The following CCNC variants were observed in gnomAD, a reference collection of about 807,000 sequenced individuals.
CCNC encodes the protein cyclin-C.
Under a neutral mutation model 50.0 loss-of-function variants are expected in CCNC, and 19 were observed. The ratio of observed to expected loss-of-function variants is 0.38; its 90% confidence interval spans 0.27 to 0.56. The LOEUF is 0.56. Among genes scored for constraint, CCNC ranks in the 20% least tolerant of loss-of-function variants. CCNC has a pLI of 0.72. For missense variants in CCNC, 200 were observed against 327.1 expected (o/e 0.61, Z 3.00); for synonymous variants, 93 against 103.7 (o/e 0.90, Z 0.63).
intron 1 of CCNC, among the ~76,000 whole-genome samples, chr6:99,567,428 T>TAC (rs3838480): frequency 0.63 from 94,909 of 151,308 alleles, 30,010 homozygotes; most frequent in East Asian, 0.9. Context: ...CACATATATA[T>TAC]ACACACACAC....
At chr6:99,565,811 C>T (rs1490087612) in intron 1 of CCNC, among the ~76,000 whole-genome samples, 1 of 151,934 alleles carries the variant, frequency 6.6e-6, no homozygotes, top group Non-Finnish European at 1.5e-5. Context: ...ATGTTTTATA[C>T]TTTCAATGTA....
Position 99,543,538 on chromosome 6 carries a change from GAATTCTTCGGAATGTTTTAA to G in CCNC, c.849_*16del. 1 of 1,612,770 alleles carries G rather than the reference GAATTCTTCGGAATGTTTTAA, an allele frequency of 6.2e-7. No individual in the cohort carries two copies. Among genetic ancestry groups the G allele is most frequent in the Non-Finnish European group, 8.5e-7 (1 of 1,179,136 alleles). On this transcript the variant is annotated stop_lost and 3_prime_UTR_variant, in exon 12 of 12. Coordinates refer to ENST00000520429, the MANE Select transcript of CCNC (RefSeq NM_005190.4). ...GTTTATTTCCAAGTGGTCCACTATGGAATTCTTCGGAATGTTTTAAGATTGGCTGTAGCTAGAGTTCTGAC... is the reference window on the plus strand; with the variant it reads ...GTTTATTTCCAAGTGGTCCACTATGGGATTGGCTGTAGCTAGAGTTCTGAC...
chr6:99,543,355 A>T lies in CCNC; in HGVS notation c.*200T>A. On this transcript the variant is annotated 3_prime_UTR_variant, in exon 12 of 12. Coordinates refer to ENST00000520429, the MANE Select transcript of CCNC (RefSeq NM_005190.4). ...AGGTCCCCTTAGAACCTTTCCAAAC[A>T]TTTATAATCAAGAGATTTTAATCAA... 1.8e-6 allele frequency: 1 copy of T among 557,172 alleles called. No homozygotes were observed. The highest frequency in any genetic ancestry group is 2.6e-5 in the South Asian group (1 of 37,830). The allele number at this position is 557,172 out of a possible 1,614,324, so 34.5% of individuals were successfully genotyped here. A position where few individuals can be genotyped will look rare whatever the true frequency, so the allele number is the denominator to read the frequency against.
rs1332861724 is a variant in CCNC at position 99,542,778 on chromosome 6, C to T, written c.*777G>A. 6.6e-6 allele frequency: 1 copy of T among 152,400 alleles called. No homozygotes were observed. Among genetic ancestry groups the T allele is most frequent in the Non-Finnish European group, 1.5e-5 (1 of 67,948 alleles). The allele number at this position is 152,400 out of a possible 1,614,324, so 9.4% of individuals were successfully genotyped here. A position where few individuals can be genotyped will look rare whatever the true frequency, so the allele number is the denominator to read the frequency against. The stretch of plus-strand genomic sequence containing the variant: ...AAAACCTTTTCACAGTAAAAATCAA[C>T]ATTAAAATTTTACCAAATTCCAACA... On this transcript the variant is annotated 3_prime_UTR_variant, in exon 12 of 12. Transcript: ENST00000520429.
At chr6:99,562,612 T>C (rs1216567405) in intron 2 of CCNC, 1 of 413,764 alleles carries the variant, frequency 2.4e-6, no homozygotes, top group East Asian at 5.3e-5. Flanking sequence ...TTAGGGAGAT[T>C]AGGTAACACT....
intron 11 of CCNC, 104 bp from the exon 12 acceptor site, chr6:99,543,713 A>G: frequency 3.2e-6 from 5 of 1,539,476 alleles, no homozygotes; most frequent in East Asian, 2.3e-5. Flanking sequence ...TGGCACAACT[A>G]TACAAAACAA....
Position 99,568,629 on chromosome 6 carries a change from A to AGCTCG in CCNC, c.-107_-103dup. On this transcript the variant is annotated 5_prime_UTR_variant, in exon 1 of 12. Transcript: ENST00000520429. ...GGTAACCGCGCTCCTCGATCAAATC[A>AGCTCG]GCTCGGCTCGACTCCGCTCCGCGGC... is the stretch of plus-strand genomic sequence containing the variant. The AGCTCG allele has an allele frequency of 6.4e-7, 1 of 1,554,162 alleles. No homozygotes were observed. Among genetic ancestry groups the AGCTCG allele is most frequent in the Non-Finnish European group, 8.7e-7 (1 of 1,151,114 alleles).
chr6:99,561,513 G>GTA, intron 3 of CCNC, 77 bp from the exon 4 acceptor site: 1 of 1,335,822 alleles, frequency 7.5e-7, no homozygotes, highest in Middle Eastern at 1.9e-4. Flanking sequence ...TAACTCTATG[G>GTA]TAGACACATG....
At chr6:99,545,040 C>T (rs933085410) in intron 11 of CCNC, 72 bp downstream of exon 11, 1 of 712,374 alleles carries the variant, frequency 1.4e-6, no homozygotes, top group Non-Finnish European at 2.4e-6. Context: ...TACAAAACAA[C>T]ATAATCTAAG....
intron 1 of CCNC, among the ~76,000 whole-genome samples, chr6:99,564,076 C>T (rs1768992218): frequency 6.6e-6 from 1 of 152,042 alleles, no homozygotes; most frequent in Admixed American, 6.6e-5. Context: ...GTTTACCCTC[C>T]AAAAACATTA....
chr6:99,567,747 C>A (rs1279592104), intron 1 of CCNC, among the ~76,000 whole-genome samples: 1 of 152,160 alleles, frequency 6.6e-6, no homozygotes, highest in Non-Finnish European at 1.5e-5. Flanking sequence ...ACCTTCCTGC[C>A]TGCTTAAACA....
chr6:99,554,315 T>C (rs1802427687), intron 5 of CCNC, among the ~76,000 whole-genome samples: 1 of 152,182 alleles, frequency 6.6e-6, no homozygotes, highest in South Asian at 2.1e-4. Flanking sequence ...GCAGTATTTC[T>C]CAGGTTTCCC....
intron 11 of CCNC, chr6:99,544,351 C>G: frequency 2.3e-6 from 3 of 1,289,660 alleles, no homozygotes; most frequent in Non-Finnish European, 3.2e-6. Flanking sequence ...TAACTTTTTC[C>G]AAATTGTAAC....
Position 99,546,376 on chromosome 6 carries a change from C to T in CCNC, c.678+19G>A, listed in dbSNP as rs777556400. The T allele has an allele frequency of 1.9e-6, 3 of 1,543,198 alleles. No homozygotes were observed. The highest frequency in any genetic ancestry group is 2.7e-6 in the Non-Finnish European group (3 of 1,116,698). On this transcript the variant is annotated intron_variant, in intron 10 of 11. Coordinates refer to ENST00000520429, the MANE Select transcript of CCNC (RefSeq NM_005190.4). ...ATTAATTTTTAAACATCCAAGTTTA[C>T]ATACAACTAAGGGAATACCTTTTCC...
chr6:99,552,978 G>T (rs1161903782), intron 5 of CCNC, among the ~76,000 whole-genome samples: 1 of 151,904 alleles, frequency 6.6e-6, no homozygotes, highest in African/African-American at 2.4e-5. Context: ...GGAGGCAGAG[G>T]GTGCAGTGAG....
At chr6:99,551,172 A>AT in intron 6 of CCNC, 144 bp from the exon 7 acceptor site, 1 of 335,200 alleles carries the variant, frequency 3.0e-6, no homozygotes, top group Non-Finnish European at 5.3e-6. Context: ...CAATAAACAT[A>AT]GTTTATATTA....
chr6:99,561,841 G>A, intron 2 of CCNC, 160 bp from the exon 3 acceptor site: 1 of 487,204 alleles, frequency 2.1e-6, no homozygotes, highest in East Asian at 3.2e-5. Flanking sequence ...TCTAATTCTA[G>A]GATTTGCAAA....
At chr6:99,545,700 CACCT>C (rs2128867266) in intron 10 of CCNC, among the ~76,000 whole-genome samples, 1 of 152,214 alleles carries the variant, frequency 6.6e-6, no homozygotes, top group South Asian at 2.1e-4. Flanking sequence ...ATTTTTTTCC[CACCT>C]GAGTAGAACC....
chr6:99,561,888 C>T (rs1802796342), intron 2 of CCNC: 2 of 313,648 alleles, frequency 6.4e-6, no homozygotes, highest in Non-Finnish European at 1.2e-5. Context: ...TAAACAACAA[C>T]AAAACAACAA....
Sources: gnomAD v4.1 joint callset for allele counts (sites outside exome capture counted in the v4.1 genomes callset) on GRCh38, gnomAD v4.1.1 for gene constraint, MANE v1.5 for transcripts, NCBI Gene and HGNC (gene_info 2026-07-23, HGNC 2026-07-21) for gene names.